CNNM1: variants seen among roughly 807,000 people sequenced by gnomAD.
CNNM1 encodes metal transporter CNNM1.
A neutral mutation model predicts 78.8 loss-of-function variants in CNNM1; 44 were observed. The observed-to-expected ratio is 0.56, with a 90% CI of 0.44 to 0.72. The LOEUF (loss-of-function observed/expected upper bound fraction) is 0.72. CNNM1 is among the 30% of genes least tolerant of loss of function. The probability of loss-of-function intolerance (pLI) is 0.00; values close to 1 mark genes in which losing one functional copy is unlikely to be tolerated. For missense variants in CNNM1, 1,101 were observed against 1,292.2 expected (o/e 0.85, Z 2.27); for synonymous variants, 584 against 581.5 (o/e 1.00, Z -0.06).
At chr10:99,379,716 C>T (rs753067107) in intron 7 of CNNM1, among the ~76,000 whole-genome samples, 1 of 150,692 alleles carries the variant, frequency 6.6e-6, no homozygotes, top group Non-Finnish European at 1.5e-5. Context: ...CAGCCTCCAG[C>T]GATCCTCCCA....
At chr10:99,338,905 A>G (rs2030317628) in intron 1 of CNNM1, among the ~76,000 whole-genome samples, 1 of 152,192 alleles carries the variant, frequency 6.6e-6, no homozygotes, top group South Asian at 2.1e-4. Context: ...GTTGAGTGCT[A>G]TAATTTGGGA....
At chr10:99,362,812 C>T (rs1392556510) in intron 4 of CNNM1, among the ~76,000 whole-genome samples, 1 of 152,162 alleles carries the variant, frequency 6.6e-6, no homozygotes, top group Non-Finnish European at 1.5e-5. Flanking sequence ...GTGGAAATCT[C>T]ACCATCTGTG....
chr10:99,356,508 GAGAA>G (rs1236332581), intron 1 of CNNM1, among the ~76,000 whole-genome samples: 42 of 126,408 alleles, frequency 3.3e-4, no homozygotes, highest in Non-Finnish European at 5.8e-4. Context: ...GAGAGAGAGA[GAGAA>G]AGAGAAAGAG....
intron 6 of CNNM1, among the ~76,000 whole-genome samples, chr10:99,376,498 C>A (rs2031966643): frequency 1.3e-5 from 2 of 152,198 alleles, no homozygotes; most frequent in Non-Finnish European, 2.9e-5. Flanking sequence ...AAATGTATGG[C>A]CACATGAGGA....
chr10:99,344,982 A>C (rs1409520872), intron 1 of CNNM1, among the ~76,000 whole-genome samples: 1 of 152,180 alleles, frequency 6.6e-6, no homozygotes, highest in Admixed American at 6.5e-5. Context: ...TTAACACGTC[A>C]GAGACAGTAA....
intron 9 of CNNM1, among the ~76,000 whole-genome samples, chr10:99,389,472 G>T (rs1036109141): frequency 6.6e-6 from 1 of 150,748 alleles, no homozygotes; most frequent in Non-Finnish European, 1.5e-5. Context: ...GTTTGAACTT[G>T]TGGCTGACCC....
At chr10:99,335,192 T>G (rs2030117436) in intron 1 of CNNM1, among the ~76,000 whole-genome samples, 2 of 152,228 alleles carry the variant, frequency 1.3e-5, no homozygotes, top group Non-Finnish European at 2.9e-5. Context: ...CATATTGCAC[T>G]TGATAAAACA....
rs1850595747 is a variant in CNNM1, at chr10:99,330,669, G to C, written c.1282G>C (p.Val428Leu). 6.2e-7 allele frequency: 1 copy of C among 1,613,726 alleles called. No homozygotes were observed. The change falls in exon 1 of 11, where the codon GTT (valine) becomes CTT (leucine). Residue 428 changes from valine to leucine, a missense_variant. Val to Leu is a conservative substitution (Grantham distance 32). Around this residue, in one of 3 missense-constraint regions of CNNM1, gnomAD observed 277 missense variants for 423.2 expected, o/e 0.65. Transcript: ENST00000356713. ...IQGALELRTK[V>L]VEEVLTPLGD... is the part of the protein sequence containing the mutation. ...GGGTGCCCTGGAGCTGCGCACCAAA[G>C]TTGTGGAGGAGGTGCTGACCCCCCT...
chr10:99,364,697 G>C (rs2031554076), intron 5 of CNNM1, among the ~76,000 whole-genome samples, 181 bp downstream of exon 5: 1 of 151,796 alleles, frequency 6.6e-6, no homozygotes, highest in South Asian at 2.1e-4. Context: ...CATTCAGTTA[G>C]TGCTTAAAAA....
chr10:99,336,692 C>T (rs1049738058), intron 1 of CNNM1, among the ~76,000 whole-genome samples: 5 of 152,122 alleles, frequency 3.3e-5, no homozygotes, highest in African/African-American at 1.2e-4. Context: ...TTTGGCCAGG[C>T]GTGGTAGCTC....
intron 6 of CNNM1, among the ~76,000 whole-genome samples, chr10:99,374,782 C>A (rs1465844782): frequency 6.6e-6 from 1 of 152,154 alleles, no homozygotes; most frequent in East Asian, 1.9e-4. Context: ...AGGCACTGTG[C>A]CAGGTGCTGG....
chr10:99,345,574 C>T (rs1438068410), intron 1 of CNNM1, among the ~76,000 whole-genome samples: 1 of 152,142 alleles, frequency 6.6e-6, no homozygotes, highest in African/African-American at 2.4e-5. Context: ...CACCATCTGC[C>T]AAAGCATAGC....
chr10:99,375,544 G>A (rs892830185), intron 6 of CNNM1, among the ~76,000 whole-genome samples: 15 of 152,194 alleles, frequency 9.9e-5, no homozygotes, highest in African/African-American at 3.4e-4. Context: ...GATCAAGGCA[G>A]TGATGATTAT....
At chr10:99,368,599 T>G in intron 6 of CNNM1, 1 of 1,289,128 alleles carries the variant, frequency 7.8e-7, no homozygotes, top group Non-Finnish European at 1.0e-6. Context: ...TCACAAATCC[T>G]TGGCCCCTGA....
At position 99,393,322 on chromosome 10, in the gene CNNM1, A is replaced by C. The variant is rs1211304184; in HGVS notation, c.*1806A>C. On this transcript the variant is annotated 3_prime_UTR_variant, in exon 11 of 11. Coordinates refer to ENST00000356713, the MANE Select transcript of CNNM1 (RefSeq NM_020348.3). ...ATCTCAAAAGAAAATGCTTACCCAC[A>C]GGAACTGTTAACTCAGGGGTTCTTA... 2 of 152,648 alleles carry C rather than the reference A, an allele frequency of 1.3e-5. No individual in the cohort carries two copies. The highest frequency in any genetic ancestry group is 2.9e-5 in the Non-Finnish European group (2 of 68,042). 9.5% of individuals were successfully genotyped at this position (152,648 alleles called of 1,614,324 possible).
intron 7 of CNNM1, among the ~76,000 whole-genome samples, chr10:99,377,835 G>A (rs946658600): frequency 2.0e-5 from 3 of 152,088 alleles, no homozygotes; most frequent in Non-Finnish European, 2.9e-5. Flanking sequence ...CCAGGAGAGA[G>A]GTAGCAAAAG....
intron 1 of CNNM1, among the ~76,000 whole-genome samples, chr10:99,337,074 A>G (rs1275981098): frequency 6.6e-6 from 1 of 152,234 alleles, no homozygotes; most frequent in Non-Finnish European, 1.5e-5. Flanking sequence ...ATTGTGTGAA[A>G]TATTAAGACT....
chr10:99,335,021 C>T (rs1465676668), intron 1 of CNNM1, among the ~76,000 whole-genome samples: 1 of 152,224 alleles, frequency 6.6e-6, no homozygotes, highest in East Asian at 1.9e-4. Flanking sequence ...CCTGTTCTTT[C>T]CCTGCTACAC....
chr10:99,347,576 A>AAT (rs149835204), intron 1 of CNNM1, among the ~76,000 whole-genome samples: 1 of 140,802 alleles, frequency 7.1e-6, no homozygotes, highest in Non-Finnish European at 1.5e-5. Flanking sequence ...ACCTTTTTGC[A>AAT]ACACACACAC....
Sources: allele counts gnomAD v4.1 joint callset (sites outside exome capture counted in the v4.1 genomes callset), GRCh38; gene constraint gnomAD v4.1.1; regional missense constraint gnomAD v4.1.1; transcripts MANE v1.5; gene names NCBI Gene and HGNC (gene_info 2026-07-23, HGNC 2026-07-21).